C5: variants seen among roughly 807,000 people sequenced by gnomAD.
The protein encoded by C5 is complement C5.
In C5, 140 loss-of-function variants were observed where a neutral mutation model predicts 218.8. The ratio of observed to expected loss-of-function variants is 0.64; its 90% CI spans 0.56 to 0.74. The LOEUF (loss-of-function observed/expected upper bound fraction) is 0.74, where lower values mean the gene tolerates loss of function less well. Among genes scored for constraint, C5 ranks in the 30% least tolerant of loss-of-function variants. The probability of loss-of-function intolerance (pLI) is 0.00; values close to 1 mark genes in which losing one functional copy is unlikely to be tolerated. For synonymous variants in C5, 614 were observed against 682.3 expected, an observed-to-expected ratio of 0.90 and a Z score of 1.56; for missense variants, 1,700 against 1,969.6, an observed-to-expected ratio of 0.86 and a Z score of 2.59.
upstream of C5, among the ~76,000 whole-genome samples, chr9:121,052,240 T>C (rs1448782608): frequency 6.6e-6 from 1 of 152,076 alleles, no homozygotes; most frequent in Non-Finnish European, 1.5e-5. Context: ...GTGGATCACC[T>C]GAGGTCAAGA....
chr9:121,006,889 C>T lies in C5; in HGVS notation c.2422+15G>A. 1 of 1,542,600 alleles carries T rather than the reference C, an allele frequency of 6.5e-7. No individual in the cohort carries two copies. ...AATCACTATTTAAATGCATATATCA[C>T]TTAAACCTGCTTACCAGTGTTTGAA... is the stretch of plus-strand genomic sequence containing the variant. On this transcript the variant is annotated intron_variant, in intron 19 of 40. Transcript: ENST00000223642.
chr9:121,021,597 T>C lies in C5; in HGVS notation c.1214A>G (p.Asp405Gly). 1 of 1,613,898 alleles carries C rather than the reference T, an allele frequency of 6.2e-7. No homozygotes were observed. Among genetic ancestry groups the C allele is most frequent in the Non-Finnish European group, 8.5e-7 (1 of 1,179,810 alleles). Reference protein sequence around the residue: ...IDVNQETSDLDPSKSVTRVDD... With the variant: ...IDVNQETSDLGPSKSVTRVDD... ...AACACGTGTTACACTTTTGCTTGGA[T>C]CCAAGTCAGATGTCTCTTGGTTTAC... The change falls in exon 11 of 41, where the codon GAT (aspartate) becomes GGT (glycine). Residue 405 changes from aspartate to glycine, a missense_variant. By Grantham distance (94) the Asp-to-Gly change is moderately conservative. Coordinates refer to ENST00000223642, the MANE Select transcript of C5 (RefSeq NM_001735.3).
the C5 span, among the ~76,000 whole-genome samples, chr9:121,069,503 G>A: frequency 6.6e-6 from 1 of 151,966 alleles, no homozygotes; most frequent in Non-Finnish European, 1.5e-5. Context: ...ACAAATGCTG[G>A]GGAGGATGTG....
chr9:120,982,762 G>C lies in C5; in HGVS notation c.3283C>G (p.Gln1095Glu), dbSNP rs773502006. ...GAATTACAAATTGAATTTTGGTTCT[G>C]CTCTACGTATTTATTTACTTGTCCA... Reference protein sequence around the residue: ...VLGQVNKYVEQNQNSICNSLL... With the variant: ...VLGQVNKYVEENQNSICNSLL... The change falls in exon 26 of 41, where the codon CAG becomes GAG. Residue 1095 changes from glutamine (Q) to glutamate (E), a missense_variant. Coordinates refer to ENST00000223642, the MANE Select transcript of C5 (RefSeq NM_001735.3). 23 of 1,602,082 alleles carry C rather than the reference G, an allele frequency of 1.4e-5. No individual in the cohort carries two copies. Among genetic ancestry groups the C allele is most frequent in the Non-Finnish European group, 2.0e-5 (23 of 1,169,940 alleles).
At chr9:120,992,525 A>T (rs2047084492) in intron 22 of C5, among the ~76,000 whole-genome samples, 1 of 152,250 alleles carries the variant, frequency 6.6e-6, no homozygotes, top group African/African-American at 2.4e-5. Context: ...TATTACAGAT[A>T]GCCTTGAGAT....
chr9:121,031,135 G>A (rs1467942470), intron 6 of C5, among the ~76,000 whole-genome samples: 15 of 151,874 alleles, frequency 9.9e-5, no homozygotes, highest in Non-Finnish European at 1.9e-4. Context: ...TCTTCTCCAT[G>A]TCATTATGAA....
chr9:121,057,653 T>G, the C5 span, among the ~76,000 whole-genome samples: 1 of 151,824 alleles, frequency 6.6e-6, no homozygotes, highest in East Asian at 1.9e-4. Context: ...AAGCAAGGAA[T>G]TAAAACATAC....
At position 120,991,219 on chromosome 9, in the gene C5, T is replaced by A. The variant is rs374665649; in HGVS notation, c.2913A>T (p.Thr971=). 6 of 1,608,124 alleles carry A rather than the reference T, an allele frequency of 3.7e-6. No homozygotes were observed. The African/African-American group carries it at 8.0e-5, about 21-fold the overall frequency. The stretch of plus-strand genomic sequence containing the variant: ...TTACACTCAAAATCCTTTTGATTTC[T>A]GTTTTGGGGACCAAATCTAAGGGTA... The part of the protein sequence containing the change: ...YRIPLDLVPK[T]EIKRILSVKG... Residue 971 remains threonine (T), a synonymous_variant, in exon 23 of 41, where the codon ACA becomes ACT. Transcript: ENST00000223642.
intron 25 of C5, among the ~76,000 whole-genome samples, chr9:120,985,974 A>G (rs950591939): frequency 6.6e-6 from 1 of 152,200 alleles, no homozygotes; most frequent in African/African-American, 2.4e-5. Flanking sequence ...CAAGATAATA[A>G]TCAGAACAAG....
At chr9:121,046,673 T>C (rs573639248) in intron 1 of C5, among the ~76,000 whole-genome samples, 24 of 152,184 alleles carry the variant, frequency 1.6e-4, no homozygotes, top group Non-Finnish European at 3.1e-4. Flanking sequence ...CTTTTAATCA[T>C]GTTGACCAGA....
At chr9:120,995,172 G>A (rs1000941882) in intron 22 of C5, among the ~76,000 whole-genome samples, 1 of 152,160 alleles carries the variant, frequency 6.6e-6, no homozygotes, top group African/African-American at 2.4e-5. Flanking sequence ...ATGATACTCA[G>A]ATGAATTAAA....
In C5 at chr9:120,982,726, G is replaced by A; in HGVS notation, c.3319C>T (p.Leu1107=). ...QNSICNSLLW[L]VENYQLDNGS... is the part of the protein sequence containing the mutation. ...TTATCTAATTGATAATTCTCAACTA[G>A]CCACAATAAAGAATTACAAATTGAA... Residue 1107 remains leucine (L), a synonymous_variant, in exon 26 of 41, where the codon CTA becomes TTA. Coordinates refer to ENST00000223642, the MANE Select transcript of C5 (RefSeq NM_001735.3). 6.2e-7 allele frequency: 1 copy of A among 1,603,156 alleles called. No homozygotes were observed. Among genetic ancestry groups the A allele is most frequent in the Non-Finnish European group, 8.5e-7 (1 of 1,170,632 alleles).
At chr9:121,006,828 AAT>A in intron 19 of C5, 74 bp downstream of exon 19, 1 of 1,058,378 alleles carries the variant, frequency 9.4e-7, no homozygotes, top group East Asian at 2.4e-5. Flanking sequence ...GGGTAAACTA[AAT>A]AGATACTAAC....
chr9:121,018,738 AAGGAAAGGAAGGAAGGAAGGAAGGAAGG>A (rs1210663161), intron 12 of C5, among the ~76,000 whole-genome samples: 5 of 99,406 alleles, frequency 5.0e-5, no homozygotes, highest in Middle Eastern at 4.2e-3. Context: ...GGAAGGAAGG[AAGGAAAGGAAGGAAGGAAGGAAGGAAGG>A]AAGGAAGGAA....
At chr9:120,973,928 G>A (rs1185449078) in intron 30 of C5, among the ~76,000 whole-genome samples, 1 of 151,840 alleles carries the variant, frequency 6.6e-6, no homozygotes, top group Non-Finnish European at 1.5e-5. Context: ...AGCCGAGGTT[G>A]CGCCATTGCA....
In C5 at chr9:120,970,207, G is replaced by A. The variant is rs1266957604; in HGVS notation, c.4125C>T (p.Cys1375=). The A allele has an allele frequency of 1.9e-6, 3 of 1,613,226 alleles. No homozygotes were observed. The highest frequency in any genetic ancestry group is 1.7e-5 in the Admixed American group (1 of 59,986). The stretch of plus-strand genomic sequence containing the variant: ...GAGTATCGATTTTCAAATAAAAGCT[G>A]CAAACTTCCTCAGAGGTACTGGTTT... ...VHKTSTSEEV[C]SFYLKIDTQD... The change falls in exon 32 of 41, where the codon TGC becomes TGT. Residue 1375 remains cysteine, a synonymous_variant. Transcript: ENST00000223642.
upstream of C5, among the ~76,000 whole-genome samples, chr9:121,053,049 C>A (rs2131833911): frequency 6.6e-6 from 1 of 152,306 alleles, no homozygotes; most frequent in African/African-American, 2.4e-5. Context: ...TTGCGAACTT[C>A]AAGTGCCTGC....
Position 120,970,834 on chromosome 9 carries a change from T to C in C5, c.4081-583A>G, listed in dbSNP as rs937780921. On this transcript the variant is annotated intron_variant, in intron 31 of 40. Transcript: ENST00000223642. ...AGGATGTTAATTTATGCTCAGAACA[T>C]GCAATTTAAGAATGCATGAAAATAC... is the stretch of plus-strand genomic sequence containing the variant. Among the ~76,000 whole-genome samples, 20 of 152,186 alleles carry C rather than the reference T, an allele frequency of 1.3e-4. 1 individual carries two copies. Among genetic ancestry groups the C allele is most frequent in the African/African-American group, 3.6e-4 (15 of 41,446 alleles).
At chr9:121,018,523 G>A (rs1455800375) in intron 12 of C5, among the ~76,000 whole-genome samples, 7 of 148,472 alleles carry the variant, frequency 4.7e-5, no homozygotes, top group Admixed American at 3.5e-4. Context: ...GCAGTGAGTC[G>A]AAATCATGCC....
Sources: gnomAD v4.1 joint callset for allele counts (sites outside exome capture counted in the v4.1 genomes callset) on GRCh38, gnomAD v4.1.1 for gene constraint, MANE v1.5 for transcripts, NCBI Gene and HGNC (gene_info 2026-07-23, HGNC 2026-07-21) for gene names.